The following MAPK4 variants were observed in gnomAD, a reference collection of about 807,000 sequenced individuals.
The protein encoded by MAPK4 is mitogen-activated protein kinase 4.
MAPK4 carries 22 observed loss-of-function variants against 47.7 expected under a neutral mutation model. That is an observed-to-expected ratio of 0.46 (90% CI 0.33 to 0.66). MAPK4 has a LOEUF of 0.66. Ranked by LOEUF, MAPK4 falls within the 30% of genes least tolerant of loss-of-function variation. The pLI is 0.02. For synonymous variants in MAPK4, 390 were observed against 365.7 expected (o/e 1.07, Z -0.76); for missense variants, 736 against 831.7 (o/e 0.88, Z 1.42).
intron 1 of MAPK4, among the ~76,000 whole-genome samples, chr18:50,633,664 C>G (rs11875289): frequency 0.048 from 7,293 of 152,238 alleles, 242 homozygotes; most frequent in Non-Finnish European, 0.074. Flanking sequence ...CCTTAAGTGG[C>G]TTTGCACTGC....
chr18:50,657,988 A>C (rs568421732), intron 1 of MAPK4, among the ~76,000 whole-genome samples: 1 of 152,072 alleles, frequency 6.6e-6, no homozygotes. Flanking sequence ...GGATGCCTGC[A>C]AGTCAGCCAG....
At chr18:50,672,653 G>C (rs1568074274) in intron 2 of MAPK4, among the ~76,000 whole-genome samples, 1 of 152,132 alleles carries the variant, frequency 6.6e-6, no homozygotes, top group Non-Finnish European at 1.5e-5. Flanking sequence ...CACTGAGCTT[G>C]GGGTGATATT....
At chr18:50,562,770 G>A (rs964636454) in intron 1 of MAPK4, among the ~76,000 whole-genome samples, 8 of 152,310 alleles carry the variant, frequency 5.3e-5, no homozygotes, top group African/African-American at 1.2e-4. Flanking sequence ...AGTCTAAGAC[G>A]TAGTCTTTGT....
At chr18:50,580,224 G>A (rs938203030) in intron 1 of MAPK4, among the ~76,000 whole-genome samples, 3 of 152,174 alleles carry the variant, frequency 2.0e-5, no homozygotes, top group African/African-American at 7.2e-5. Context: ...TTGAAGACCA[G>A]TGTTGGCAAA....
chr18:50,667,274 C>T (rs1189419107), intron 2 of MAPK4, among the ~76,000 whole-genome samples: 4 of 152,174 alleles, frequency 2.6e-5, no homozygotes, highest in African/African-American at 9.7e-5. Flanking sequence ...TGGTTCCCCT[C>T]CATGGATTCT....
At chr18:50,654,724 C>T (rs891407677) in intron 1 of MAPK4, among the ~76,000 whole-genome samples, 10 of 152,224 alleles carry the variant, frequency 6.6e-5, no homozygotes, top group African/African-American at 9.6e-5. Context: ...GGCCTTTGTG[C>T]AGCTGGTGCT....
intron 1 of MAPK4, among the ~76,000 whole-genome samples, chr18:50,614,991 C>T (rs1002089931): frequency 1.3e-5 from 2 of 152,132 alleles, no homozygotes; most frequent in Non-Finnish European, 1.5e-5. Context: ...CTGATGTTGG[C>T]GATGTCACAA....
intron 1 of MAPK4, among the ~76,000 whole-genome samples, chr18:50,572,881 C>T (rs774133114): frequency 5.3e-5 from 8 of 152,098 alleles, no homozygotes; most frequent in South Asian, 2.1e-4. Context: ...CCAAAAGCAA[C>T]GTCAGATTTC....
intron 1 of MAPK4, among the ~76,000 whole-genome samples, chr18:50,639,916 G>A (rs143502450): frequency 5.9e-5 from 9 of 152,252 alleles, no homozygotes; most frequent in Middle Eastern, 3.4e-3. Flanking sequence ...GTTAATAATT[G>A]TCTCTATTAG....
At chr18:50,612,979 T>C (rs961263564) in intron 1 of MAPK4, among the ~76,000 whole-genome samples, 1 of 152,182 alleles carries the variant, frequency 6.6e-6, no homozygotes, top group Non-Finnish European at 1.5e-5. Context: ...GAAAATCGTG[T>C]CTGCCAACTT....
Position 50,602,475 on chromosome 18 carries a change from A to G in MAPK4, c.-871+42232A>G, listed in dbSNP as rs536978595. Among the ~76,000 whole-genome samples the G allele has an allele frequency of 9.8e-5, 15 of 152,308 alleles. No homozygotes were observed. In the South Asian group the frequency reaches 3.1e-3, roughly 32 times the overall value. ...GCCCTGCCCCCTGAGCCTAGCTCAG[A>G]TGGTGACTGTGTGATACTTTACTTT... On this transcript the variant is annotated intron_variant, in intron 1 of 5. Coordinates refer to ENST00000400384, the MANE Select transcript of MAPK4 (RefSeq NM_002747.4).
chr18:50,566,509 G>C (rs549220732), intron 1 of MAPK4, among the ~76,000 whole-genome samples: 10 of 152,318 alleles, frequency 6.6e-5, no homozygotes, highest in Admixed American at 3.3e-4. Flanking sequence ...CCGTTCTTCT[G>C]TCTTCCTGGT....
At chr18:50,718,804 G>A (rs563124766) in intron 3 of MAPK4, among the ~76,000 whole-genome samples, 1 of 152,098 alleles carries the variant, frequency 6.6e-6, no homozygotes, top group South Asian at 2.1e-4. Context: ...AAAATAGGTT[G>A]GGCATGGTGG....
intron 2 of MAPK4, among the ~76,000 whole-genome samples, chr18:50,680,915 T>C (rs1268593718): frequency 6.6e-6 from 1 of 152,210 alleles, no homozygotes; most frequent in Non-Finnish European, 1.5e-5. Flanking sequence ...TTTATGTGGA[T>C]ATGTTTTCAC....
chr18:50,664,205 G>T lies in MAPK4; in HGVS notation c.247G>T (p.Val83Leu), dbSNP rs905689204. Reference protein sequence around the residue: ...DHDNIVKVYEVLGPKGTDLQG... With the variant: ...DHDNIVKVYELLGPKGTDLQG... ...CGACAACATCGTCAAAGTGTACGAG[G>T]TGCTCGGTCCCAAGGGCACTGACCT... Residue 83 changes from valine (V) to leucine (L), a missense_variant, in exon 2 of 6, where the codon GTG becomes TTG. This residue lies in a region of MAPK4 where 327 missense variants were observed against 395.4 expected (regional missense o/e 0.83). Coordinates refer to ENST00000400384, the MANE Select transcript of MAPK4 (RefSeq NM_002747.4). This position sits in a 1 kb window ranked among gnomAD's most constrained non-coding sequence, Gnocchi z 6.0. 1 of 1,613,962 alleles carries T rather than the reference G, an allele frequency of 6.2e-7. No homozygotes were observed. The highest frequency in any genetic ancestry group is 1.3e-5 in the African/African-American group (1 of 74,944).
At chr18:50,597,049 A>G (rs1325528162) in intron 1 of MAPK4, among the ~76,000 whole-genome samples, 2 of 152,210 alleles carry the variant, frequency 1.3e-5, no homozygotes, top group African/African-American at 2.4e-5. Flanking sequence ...AATTGCATTT[A>G]CCCATATAAC....
chr18:50,593,903 C>T (rs560758217), intron 1 of MAPK4, among the ~76,000 whole-genome samples: 2 of 152,204 alleles, frequency 1.3e-5, no homozygotes, highest in East Asian at 1.9e-4. Flanking sequence ...AATCACAAGG[C>T]GAAGTCCCGC....
intron 1 of MAPK4, among the ~76,000 whole-genome samples, chr18:50,573,885 G>A (rs1175703296): frequency 6.6e-6 from 1 of 152,048 alleles, no homozygotes; most frequent in South Asian, 2.1e-4. Context: ...TCCTAGTGGT[G>A]CTGTCTGGTA....
At chr18:50,585,815 T>G (rs996424739) in intron 1 of MAPK4, among the ~76,000 whole-genome samples, 1 of 152,164 alleles carries the variant, frequency 6.6e-6, no homozygotes, top group Non-Finnish European at 1.5e-5. Flanking sequence ...ACCAAACATG[T>G]CCTTCTTCAC....
Sources: gnomAD v4.1 joint callset for allele counts (sites outside exome capture counted in the v4.1 genomes callset) on GRCh38, gnomAD v4.1.1 for gene constraint, gnomAD v4.1.1 regional missense constraint, Gnocchi (gnomAD v3.1) non-coding constraint, MANE v1.5 for transcripts, NCBI Gene and HGNC (gene_info 2026-07-23, HGNC 2026-07-21) for gene names.